Variants in GALNT13 observed in about 807,000 individuals in gnomAD.
GALNT13 encodes UDP-GalNAc:polypeptide N-acetylgalactosaminyltransferase 13.
In GALNT13, 28 loss-of-function variants were observed where a neutral mutation model predicts 64.2. The observed-to-expected ratio is 0.44, with a 90% CI of 0.32 to 0.60. The LOEUF (loss-of-function observed/expected upper bound fraction) is 0.60. Among genes scored for constraint, GALNT13 ranks in the 20% least tolerant of loss-of-function variants. The pLI is 0.05. For synonymous variants in GALNT13, 214 were observed against 224.6 expected, an observed-to-expected ratio of 0.95 and a Z score of 0.42; for missense variants, 577 against 669.8, an observed-to-expected ratio of 0.86 and a Z score of 1.53.
intron 8 of GALNT13, among the ~76,000 whole-genome samples, chr2:154,297,034 G>A (rs1036623665): frequency 1.3e-5 from 2 of 152,298 alleles, no homozygotes; most frequent in Admixed American, 6.5e-5. Context: ...TATGTGGTAT[G>A]TTATTCTAGA....
chr2:154,044,298 G>T (rs1699169975), intron 3 of GALNT13, among the ~76,000 whole-genome samples: 1 of 152,116 alleles, frequency 6.6e-6, no homozygotes, highest in African/African-American at 2.4e-5. Flanking sequence ...TAATTTTATG[G>T]AAAGATAAAG....
chr2:153,871,399 T>C (rs1685917573), upstream of GALNT13, among the ~76,000 whole-genome samples: 1 of 152,124 alleles, frequency 6.6e-6, no homozygotes, highest in East Asian at 1.9e-4. Flanking sequence ...ACCTCCGTCC[T>C]TTCTGCGGAG....
At chr2:153,384,764 T>G in the GALNT13 span, among the ~76,000 whole-genome samples, 1 of 152,076 alleles carries the variant, frequency 6.6e-6, no homozygotes, top group Non-Finnish European at 1.5e-5. Flanking sequence ...TGCTTCAGAT[T>G]TTTACATATA....
chr2:153,189,515 A>G, the GALNT13 span, among the ~76,000 whole-genome samples: 1 of 152,116 alleles, frequency 6.6e-6, no homozygotes, highest in Non-Finnish European at 1.5e-5. Flanking sequence ...GGACACTTAG[A>G]TTGATTCCGT....
At chr2:153,361,028 A>AT in the GALNT13 span, among the ~76,000 whole-genome samples, 1 of 152,108 alleles carries the variant, frequency 6.6e-6, no homozygotes, top group Non-Finnish European at 1.5e-5. Flanking sequence ...GCAGGCACCC[A>AT]TTTTTGATGT....
At chr2:153,422,599 A>G in the GALNT13 span, among the ~76,000 whole-genome samples, 1 of 152,190 alleles carries the variant, frequency 6.6e-6, no homozygotes, top group African/African-American at 2.4e-5. Context: ...CTCAAAGTTA[A>G]TTCTTTTAAA....
chr2:153,206,957 C>A, the GALNT13 span, among the ~76,000 whole-genome samples: 2 of 151,822 alleles, frequency 1.3e-5, no homozygotes. Flanking sequence ...GCTCTTAATT[C>A]TTTCATTTGT....
chr2:154,252,501 T>C (rs1489323691), intron 7 of GALNT13, among the ~76,000 whole-genome samples: 1 of 110,492 alleles, frequency 9.1e-6, no homozygotes, highest in Non-Finnish European at 2.0e-5. Flanking sequence ...GGACTACAGG[T>C]GCCCGCCACC....
chr2:154,008,480 T>C (rs1401795794), intron 3 of GALNT13, among the ~76,000 whole-genome samples: 1 of 152,180 alleles, frequency 6.6e-6, no homozygotes, highest in African/African-American at 2.4e-5. Flanking sequence ...GTTTGTTATA[T>C]AGGTAAATTG....
intron 11 of GALNT13, among the ~76,000 whole-genome samples, chr2:154,423,654 A>T (rs574414005): frequency 7.0e-4 from 106 of 152,216 alleles, no homozygotes; most frequent in African/African-American, 2.4e-3. Context: ...TTTCTTACTG[A>T]AGCTTTAAGA....
intron 8 of GALNT13, among the ~76,000 whole-genome samples, chr2:154,281,551 A>G (rs1559065946): frequency 6.6e-6 from 1 of 152,170 alleles, no homozygotes; most frequent in East Asian, 1.9e-4. Context: ...GTGACAGTAG[A>G]TTGTACATTA....
the GALNT13 span, among the ~76,000 whole-genome samples, chr2:153,596,852 A>T: frequency 6.6e-6 from 1 of 152,070 alleles, no homozygotes; most frequent in Admixed American, 6.6e-5. Flanking sequence ...GAATTTTAGG[A>T]TATATTGAAA....
chr2:153,197,698 A>G, the GALNT13 span, among the ~76,000 whole-genome samples: 4 of 152,216 alleles, frequency 2.6e-5, no homozygotes, highest in African/African-American at 9.7e-5. Context: ...CCCTGTTTTC[A>G]GCACGTGTGC....
At chr2:154,242,971 C>T in intron 6 of GALNT13, 66 bp downstream of exon 6, 1 of 1,284,008 alleles carries the variant, frequency 7.8e-7, no homozygotes, top group South Asian at 1.4e-5. Flanking sequence ...TCCAGATGTC[C>T]ATCAGAATTT....
At chr2:153,266,126 T>C in the GALNT13 span, among the ~76,000 whole-genome samples, 1 of 152,220 alleles carries the variant, frequency 6.6e-6, no homozygotes, top group Non-Finnish European at 1.5e-5. Flanking sequence ...ATATTCACTT[T>C]ATGGTTGTAG....
At chr2:153,846,475 T>G in the GALNT13 span, among the ~76,000 whole-genome samples, 2 of 152,094 alleles carry the variant, frequency 1.3e-5, no homozygotes, top group South Asian at 4.1e-4. Flanking sequence ...TTGGTTCAAT[T>G]AAAAGAAAAG....
intron 9 of GALNT13, among the ~76,000 whole-genome samples, chr2:154,393,711 C>T (rs1449834151): frequency 6.6e-6 from 1 of 152,156 alleles, no homozygotes; most frequent in East Asian, 1.9e-4. Context: ...ATTCAGTAAT[C>T]TCTATAATTC....
At chr2:153,543,759 A>G in the GALNT13 span, among the ~76,000 whole-genome samples, 3 of 152,234 alleles carry the variant, frequency 2.0e-5, no homozygotes, top group Non-Finnish European at 1.5e-5. Context: ...GAATACATGC[A>G]ACTACTGACT....
At chr2:153,728,425 AAAG>A in the GALNT13 span, among the ~76,000 whole-genome samples, 1 of 152,150 alleles carries the variant, frequency 6.6e-6, no homozygotes, top group Non-Finnish European at 1.5e-5. Flanking sequence ...TGACTTTTTT[AAAG>A]AAGTTATTTG....
Sources: gnomAD v4.1 joint callset for allele counts (sites outside exome capture counted in the v4.1 genomes callset) on GRCh38, gnomAD v4.1.1 for gene constraint, MANE v1.5 for transcripts, NCBI Gene and HGNC (gene_info 2026-07-23, HGNC 2026-07-21) for gene names.